GPC5: variants seen among roughly 807,000 people sequenced by gnomAD.
The protein encoded by GPC5 is glypican 5, also known as glypican-5.
A neutral mutation model predicts 53.9 loss-of-function variants in GPC5; 47 were observed. That is an observed-to-expected ratio of 0.87 (90% CI 0.69 to 1.11). The LOEUF (loss-of-function observed/expected upper bound fraction) is 1.11, where lower values mean the gene tolerates loss of function less well. Among genes scored for constraint, GPC5 ranks in the 50% most tolerant of loss-of-function variants. The pLI, the probability that GPC5 is intolerant of heterozygous loss-of-function variation, is 0.00. For synonymous variants in GPC5, 286 were observed against 263.3 expected (o/e 1.09, Z -0.84); for missense variants, 748 against 713.1 (o/e 1.05, Z -0.56).
chr13:92,169,277 A>G (rs59984661), intron 7 of GPC5, among the ~76,000 whole-genome samples: 5,840 of 152,308 alleles, frequency 0.038, 250 homozygotes, highest in African/African-American at 0.098. Flanking sequence ...GCAAACCACC[A>G]TGGCACATGT....
chr13:92,632,776 G>A (rs898422130), intron 7 of GPC5, among the ~76,000 whole-genome samples: 3 of 152,068 alleles, frequency 2.0e-5, no homozygotes, highest in Non-Finnish European at 2.9e-5. Context: ...AGTTCCACGT[G>A]GCTAGGGAGG....
chr13:91,748,111 G>C (rs2037091605), intron 4 of GPC5, among the ~76,000 whole-genome samples: 1 of 152,176 alleles, frequency 6.6e-6, no homozygotes, highest in South Asian at 2.1e-4. Context: ...AGATAGGACA[G>C]GAGCTGTTTG....
At chr13:92,166,989 CACACACAT>C (rs1427476786) in intron 7 of GPC5, among the ~76,000 whole-genome samples, 16 of 148,392 alleles carry the variant, frequency 1.1e-4, no homozygotes, top group African/African-American at 4.0e-4. Context: ...CACACACACA[CACACACAT>C]ATACACACGC....
chr13:92,028,506 G>T (rs77223234), intron 6 of GPC5, among the ~76,000 whole-genome samples: 4,649 of 152,028 alleles, frequency 0.031, 105 homozygotes, highest in Middle Eastern at 0.075. Context: ...TCTAATTGTC[G>T]AATTCAGTGG....
intron 7 of GPC5, among the ~76,000 whole-genome samples, chr13:92,417,283 G>A (rs1876353519): frequency 6.6e-6 from 1 of 152,156 alleles, no homozygotes; most frequent in South Asian, 2.1e-4. Context: ...TCAGTAAAAT[G>A]CAAATGAACA....
chr13:92,078,786 GCAT>G (rs1393816740), intron 6 of GPC5, among the ~76,000 whole-genome samples: 1 of 152,124 alleles, frequency 6.6e-6, no homozygotes, highest in Non-Finnish European at 1.5e-5. Context: ...GGAGGGGTTA[GCAT>G]TCACCTCTTT....
At chr13:92,575,769 T>A (rs1387708817) in intron 7 of GPC5, among the ~76,000 whole-genome samples, 2 of 152,196 alleles carry the variant, frequency 1.3e-5, no homozygotes. Context: ...CAGTCTGCAA[T>A]GAAATTTTTA....
At chr13:92,815,388 A>G (rs1206290686) in intron 7 of GPC5, among the ~76,000 whole-genome samples, 3 of 152,008 alleles carry the variant, frequency 2.0e-5, no homozygotes, top group Non-Finnish European at 4.4e-5. Context: ...ATCCCCAAAT[A>G]CAAAATCCTG....
intron 7 of GPC5, among the ~76,000 whole-genome samples, chr13:92,853,832 C>A (rs1003759398): frequency 6.6e-6 from 1 of 152,120 alleles, no homozygotes; most frequent in Non-Finnish European, 1.5e-5. Flanking sequence ...CAGCGAGATG[C>A]CCAGCACAGA....
intron 2 of GPC5, among the ~76,000 whole-genome samples, chr13:91,494,977 GCTGA>G (rs1256315240): frequency 6.6e-6 from 1 of 152,138 alleles, no homozygotes; most frequent in Non-Finnish European, 1.5e-5. Flanking sequence ...ATTCTGAACT[GCTGA>G]CTAATATATC....
intron 2 of GPC5, among the ~76,000 whole-genome samples, chr13:91,645,508 C>T (rs1041936574): frequency 2.6e-5 from 4 of 152,198 alleles, no homozygotes; most frequent in African/African-American, 9.6e-5. Flanking sequence ...CTCTTCCTGA[C>T]AGTAGGACCC....
intron 2 of GPC5, among the ~76,000 whole-genome samples, chr13:91,533,044 C>G (rs1384262582): frequency 6.6e-6 from 1 of 152,114 alleles, no homozygotes; most frequent in Non-Finnish European, 1.5e-5. Context: ...CTCATGTACT[C>G]TGGAAGATAA....
chr13:92,824,550 A>G (rs1877780112), intron 7 of GPC5, among the ~76,000 whole-genome samples: 1 of 152,150 alleles, frequency 6.6e-6, no homozygotes. Flanking sequence ...GAATATATGC[A>G]TTGCTCAATC....
chr13:92,482,186 C>A (rs1467670869), intron 7 of GPC5, among the ~76,000 whole-genome samples: 1 of 152,108 alleles, frequency 6.6e-6, no homozygotes, highest in East Asian at 1.9e-4. Flanking sequence ...GACACACTGC[C>A]CCATATCCTT....
intron 7 of GPC5, among the ~76,000 whole-genome samples, chr13:92,226,237 C>T (rs1291058321): frequency 1.3e-5 from 2 of 152,158 alleles, no homozygotes; most frequent in African/African-American, 4.8e-5. Context: ...ATACATTACC[C>T]AGTCTCGGGG....
chr13:91,771,782 C>T (rs1430803793), intron 5 of GPC5, among the ~76,000 whole-genome samples: 1 of 152,078 alleles, frequency 6.6e-6, no homozygotes, highest in African/African-American at 2.4e-5. Flanking sequence ...ATAGAATCAT[C>T]ATATATTTTT....
intron 4 of GPC5, among the ~76,000 whole-genome samples, chr13:91,736,044 A>G (rs1397052766): frequency 1.3e-5 from 2 of 151,490 alleles, no homozygotes; most frequent in African/African-American, 4.9e-5. Context: ...ATGCCATTAT[A>G]TGAATTAAAA....
intron 2 of GPC5, among the ~76,000 whole-genome samples, chr13:91,551,458 C>G (rs1415256340): frequency 2.6e-5 from 4 of 151,932 alleles, no homozygotes; most frequent in African/African-American, 9.7e-5. Context: ...ATAGAGTTGA[C>G]AAGAGTTAAA....
At chr13:91,870,918 G>A (rs569577339) in intron 5 of GPC5, among the ~76,000 whole-genome samples, 1 of 152,262 alleles carries the variant, frequency 6.6e-6, no homozygotes, top group East Asian at 1.9e-4. Context: ...TAGGATTTTG[G>A]ATATTTTCAG....
Sources: allele counts gnomAD v4.1 joint callset (sites outside exome capture counted in the v4.1 genomes callset), GRCh38; gene constraint gnomAD v4.1.1; transcripts MANE v1.5; gene names NCBI Gene and HGNC (gene_info 2026-07-23, HGNC 2026-07-21).